Variants in PLSCR4 observed in about 807,000 individuals in gnomAD.
PLSCR4 encodes Ca(2+)-dependent phospholipid scramblase 4.
PLSCR4 carries 25 observed loss-of-function variants against 36.3 expected under a neutral mutation model. The observed-to-expected ratio is 0.69, with a 90% confidence interval of 0.50 to 0.96. The LOEUF (loss-of-function observed/expected upper bound fraction) is 0.96. Ranked by LOEUF, PLSCR4 falls within the 40% of genes least tolerant of loss-of-function variation. The probability of loss-of-function intolerance (pLI) is 0.00; values close to 1 mark genes in which losing one functional copy is unlikely to be tolerated. For synonymous variants in PLSCR4, 122 were observed against 132.9 expected, an observed-to-expected ratio of 0.92 and a Z score of 0.56; for missense variants, 408 against 414.7, an observed-to-expected ratio of 0.98 and a Z score of 0.14.
At chr3:146,220,676 A>G (rs2108289546) in intron 3 of PLSCR4, 139 bp downstream of exon 3, 3 of 635,924 alleles carry the variant, frequency 4.7e-6, no homozygotes, top group Middle Eastern at 3.9e-4. Context: ...ACATATAGTA[A>G]ACTATGTGGC....
At chr3:146,197,521 A>T (rs1290093724) in intron 6 of PLSCR4, among the ~76,000 whole-genome samples, 2 of 152,186 alleles carry the variant, frequency 1.3e-5, no homozygotes, top group Non-Finnish European at 2.9e-5. Context: ...CAGAAAACAA[A>T]AAAGAGGCAT....
intron 3 of PLSCR4, among the ~76,000 whole-genome samples, chr3:146,212,927 A>T (rs1321409657): frequency 6.6e-6 from 1 of 151,914 alleles, no homozygotes; most frequent in East Asian, 1.9e-4. Flanking sequence ...ATCATGGAGG[A>T]TGTTGTATTT....
intron 3 of PLSCR4, among the ~76,000 whole-genome samples, chr3:146,213,334 C>CTTTTTTTTTTTT (rs60242461): frequency 8.0e-5 from 10 of 125,518 alleles, no homozygotes; most frequent in East Asian, 2.4e-4. Flanking sequence ...GTAAAATTTC[C>CTTTTTTTTTTTT]TTTTTTTTTT....
chr3:146,206,466 C>T (rs2108240642), intron 4 of PLSCR4, 60 bp downstream of exon 4: 13 of 1,278,246 alleles, frequency 1.0e-5, no homozygotes, highest in Admixed American at 7.1e-5. Context: ...TTTTTTCTCT[C>T]TTTGTTGGAT....
chr3:146,208,360 A>G (rs924919251), intron 3 of PLSCR4, among the ~76,000 whole-genome samples: 7 of 152,178 alleles, frequency 4.6e-5, no homozygotes, highest in Admixed American at 3.3e-4. Flanking sequence ...CCTTCTAGAT[A>G]TTGGCTTAGG....
chr3:146,211,152 T>C (rs2034600149), intron 3 of PLSCR4, among the ~76,000 whole-genome samples: 1 of 152,108 alleles, frequency 6.6e-6, no homozygotes, highest in Admixed American at 6.6e-5. Flanking sequence ...CAAAGTGGCT[T>C]TACAATTTCA....
chr3:146,224,241 T>C lies in PLSCR4; in HGVS notation c.-21-2149A>G, dbSNP rs373011304. ...TAATGTCCATCAATGGTAGACTGAA[T>C]AAATAAATTCTGGTACATTCACATG... On this transcript the variant is annotated intron_variant, in intron 1 of 8. Coordinates refer to ENST00000354952, the MANE Select transcript of PLSCR4 (RefSeq NM_020353.3). 3.7e-4 allele frequency among the ~76,000 whole-genome samples: 57 copies of C among 152,268 alleles called. 5 individuals carry two copies. The South Asian group carries it at 8.9e-3, about 24-fold the overall frequency.
intron 1 of PLSCR4, among the ~76,000 whole-genome samples, chr3:146,227,663 A>G (rs1462058978): frequency 1.3e-5 from 2 of 152,138 alleles, no homozygotes; most frequent in African/African-American, 4.8e-5. Flanking sequence ...CCTCTCCACA[A>G]GGGAGGCTCT....
At chr3:146,246,755 G>T (rs2036353257) in intron 1 of PLSCR4, among the ~76,000 whole-genome samples, 1 of 152,068 alleles carries the variant, frequency 6.6e-6, no homozygotes, top group African/African-American at 2.4e-5. Context: ...ATGTCATGTT[G>T]CATACAGTTA....
intron 1 of PLSCR4, among the ~76,000 whole-genome samples, chr3:146,232,811 A>G (rs1390316972): frequency 1.3e-5 from 2 of 152,130 alleles, no homozygotes; most frequent in African/African-American, 2.4e-5. Flanking sequence ...CTCTCTTCCA[A>G]TTTGGAGTAC....
At chr3:146,200,320 G>A (rs908362861) in intron 5 of PLSCR4, among the ~76,000 whole-genome samples, 4 of 151,964 alleles carry the variant, frequency 2.6e-5, no homozygotes, top group Admixed American at 6.6e-5. Flanking sequence ...AATTCCTGGA[G>A]TATCTGAATT....
At chr3:146,220,358 TC>T (rs1418898070) in intron 3 of PLSCR4, among the ~76,000 whole-genome samples, 1 of 152,186 alleles carries the variant, frequency 6.6e-6, no homozygotes, top group African/African-American at 2.4e-5. Context: ...CTGCACATCT[TC>T]CATGTGTCTC....
intron 7 of PLSCR4, 151 bp from the exon 8 acceptor site, chr3:146,195,433 T>A (rs959408664): frequency 2.8e-5 from 18 of 649,886 alleles, no homozygotes; most frequent in Non-Finnish European, 4.0e-5. Flanking sequence ...CAAAAAGGGT[T>A]AACTGCCTTG....
chr3:146,199,512 T>A (rs1369394881), intron 6 of PLSCR4, among the ~76,000 whole-genome samples: 2 of 152,158 alleles, frequency 1.3e-5, no homozygotes, highest in Non-Finnish European at 1.5e-5. Context: ...TACATTTAGA[T>A]AAATGTGGTA....
At chr3:146,232,007 T>C (rs1237678124) in intron 1 of PLSCR4, among the ~76,000 whole-genome samples, 2 of 152,220 alleles carry the variant, frequency 1.3e-5, no homozygotes, top group African/African-American at 4.8e-5. Context: ...TTTAAGTCTT[T>C]AATCCATTTT....
At chr3:146,248,088 A>G (rs2036412214) in intron 1 of PLSCR4, among the ~76,000 whole-genome samples, 1 of 152,174 alleles carries the variant, frequency 6.6e-6, no homozygotes, top group South Asian at 2.1e-4. Context: ...TTTGTTTATA[A>G]AAGTTAACTG....
chr3:146,245,080 G>C (rs2036288313), intron 1 of PLSCR4, among the ~76,000 whole-genome samples: 2 of 152,082 alleles, frequency 1.3e-5, no homozygotes, highest in African/African-American at 2.4e-5. Flanking sequence ...GCAGATGTGA[G>C]AGAATAGCAA....
intron 1 of PLSCR4, chr3:146,223,701 AG>A (rs1052241487): frequency 2.0e-5 from 3 of 152,004 alleles, no homozygotes; most frequent in African/African-American, 7.2e-5. Context: ...GACGGGTGAA[AG>A]TTTAACCAGT....
intron 1 of PLSCR4, among the ~76,000 whole-genome samples, chr3:146,234,557 C>T (rs1412488772): frequency 4.0e-5 from 6 of 151,792 alleles, no homozygotes; most frequent in African/African-American, 1.5e-4. Context: ...TTTTTTTTCT[C>T]TCTGCCTTCC....
Sources: gnomAD v4.1 joint callset for allele counts (sites outside exome capture counted in the v4.1 genomes callset) on GRCh38, gnomAD v4.1.1 for gene constraint, MANE v1.5 for transcripts, NCBI Gene and HGNC (gene_info 2026-07-23, HGNC 2026-07-21) for gene names.